The following OXR1 variants were observed in gnomAD, a reference collection of about 807,000 sequenced individuals.
The protein encoded by OXR1 is oxidation resistance 1, also known as oxidation resistance protein 1.
OXR1 carries 41 observed loss-of-function variants against 104.6 expected under a neutral mutation model. The ratio of observed to expected loss-of-function variants is 0.39; its 90% CI spans 0.31 to 0.51. The LOEUF (loss-of-function observed/expected upper bound fraction) is 0.51. Ranked by LOEUF, OXR1 falls within the 20% of genes least tolerant of loss-of-function variation. The probability of loss-of-function intolerance (pLI) is 0.77; values close to 1 mark genes in which losing one functional copy is unlikely to be tolerated. For missense variants in OXR1, 955 were observed against 1,031.9 expected, an observed-to-expected ratio of 0.93 and a Z score of 1.02; for synonymous variants, 348 against 348.4, an observed-to-expected ratio of 1.00 and a Z score of 0.01.
chr8:106,614,514 C>G (rs921046611), intron 3 of OXR1, among the ~76,000 whole-genome samples: 2 of 152,082 alleles, frequency 1.3e-5, no homozygotes, highest in African/African-American at 4.8e-5. Context: ...TCTTAGCAGC[C>G]CACATCCCAA....
chr8:106,384,344 T>C (rs1375438775), intron 2 of OXR1, among the ~76,000 whole-genome samples: 1 of 152,186 alleles, frequency 6.6e-6, no homozygotes, highest in African/African-American at 2.4e-5. Flanking sequence ...AAGAAGTCAC[T>C]GCACTTCCTG....
chr8:106,325,397 A>G (rs957346657), intron 1 of OXR1, among the ~76,000 whole-genome samples: 2 of 152,202 alleles, frequency 1.3e-5, no homozygotes, highest in Non-Finnish European at 2.9e-5. Context: ...AATATGGTGT[A>G]ATGGTTAAGG....
At chr8:106,450,868 A>C (rs1820276173) in intron 2 of OXR1, among the ~76,000 whole-genome samples, 1 of 152,144 alleles carries the variant, frequency 6.6e-6, no homozygotes, top group African/African-American at 2.4e-5. Context: ...TTAAGAACAA[A>C]CAGCTTATCT....
chr8:106,279,084 A>G (rs1039765727), intron 1 of OXR1, among the ~76,000 whole-genome samples: 1 of 152,192 alleles, frequency 6.6e-6, no homozygotes, highest in East Asian at 1.9e-4. Context: ...AGACTAAAGA[A>G]GTTGAAAGGT....
At chr8:106,607,199 C>T (rs1820468244) in intron 3 of OXR1, among the ~76,000 whole-genome samples, 1 of 152,158 alleles carries the variant, frequency 6.6e-6, no homozygotes, top group Non-Finnish European at 1.5e-5. Context: ...TAGCTGACTC[C>T]TCAGAAGCGG....
At chr8:106,612,823 A>G (rs866919852) in intron 3 of OXR1, among the ~76,000 whole-genome samples, 3 of 152,238 alleles carry the variant, frequency 2.0e-5, no homozygotes, top group Middle Eastern at 3.4e-3. Flanking sequence ...ACACAGCCCT[A>G]CGAATACTAA....
At chr8:106,429,080 T>G (rs1302258263) in intron 2 of OXR1, among the ~76,000 whole-genome samples, 1 of 152,158 alleles carries the variant, frequency 6.6e-6, no homozygotes, top group Non-Finnish European at 1.5e-5. Context: ...AGATCCGAAG[T>G]TGGCGGAGGC....
At chr8:106,339,540 ATATATATAT>A (rs1267844985) in intron 1 of OXR1, among the ~76,000 whole-genome samples, 2 of 126,722 alleles carry the variant, frequency 1.6e-5, no homozygotes, top group African/African-American at 6.1e-5. Context: ...ATATATATAT[ATATATATAT>A]ATATATAAAA....
chr8:106,540,116 T>G (rs1268412017), intron 3 of OXR1, among the ~76,000 whole-genome samples: 1 of 152,122 alleles, frequency 6.6e-6, no homozygotes, highest in East Asian at 1.9e-4. Context: ...GTAAAAAAGA[T>G]CCAGTGAGTT....
intron 15 of OXR1, among the ~76,000 whole-genome samples, chr8:106,744,584 A>T (rs1193640312): frequency 6.6e-6 from 1 of 152,230 alleles, no homozygotes; most frequent in Non-Finnish European, 1.5e-5. Context: ...TTGGATTTAA[A>T]TAACAAGTTA....
chr8:106,281,269 A>G (rs1473817805), intron 1 of OXR1, among the ~76,000 whole-genome samples: 1 of 152,210 alleles, frequency 6.6e-6, no homozygotes. Context: ...AAAAGTTTAC[A>G]GCAGCTGCGT....
At chr8:106,358,508 C>A (rs1816083108) in intron 1 of OXR1, among the ~76,000 whole-genome samples, 1 of 152,128 alleles carries the variant, frequency 6.6e-6, no homozygotes, top group Admixed American at 6.6e-5. Context: ...TTACATAAAA[C>A]ATTATTTGAG....
intron 2 of OXR1, among the ~76,000 whole-genome samples, chr8:106,448,586 T>C (rs1198478587): frequency 6.6e-6 from 1 of 152,174 alleles, no homozygotes; most frequent in African/African-American, 2.4e-5. Context: ...TATATTATTC[T>C]GTGAATAATA....
At chr8:106,562,238 C>T (rs1441891065) in intron 3 of OXR1, among the ~76,000 whole-genome samples, 1 of 151,876 alleles carries the variant, frequency 6.6e-6, no homozygotes, top group Non-Finnish European at 1.5e-5. Context: ...AAAAGGTGAG[C>T]GGAATGGCTA....
At chr8:106,414,936 C>T (rs1475341177) in intron 2 of OXR1, among the ~76,000 whole-genome samples, 4 of 152,108 alleles carry the variant, frequency 2.6e-5, no homozygotes, top group African/African-American at 9.7e-5. Flanking sequence ...ATAAATAGTA[C>T]AGTCTATAAC....
At chr8:106,692,359 G>A (rs2131292739) in intron 6 of OXR1, among the ~76,000 whole-genome samples, 1 of 152,172 alleles carries the variant, frequency 6.6e-6, no homozygotes, top group Admixed American at 6.5e-5. Flanking sequence ...ATCAGAGTCA[G>A]TGGTTTAATT....
At chr8:106,548,340 C>T (rs75287756) in intron 3 of OXR1, among the ~76,000 whole-genome samples, 7,462 of 152,236 alleles carry the variant, frequency 0.049, 203 homozygotes, top group Middle Eastern at 0.068. Context: ...GTCCAGTGCT[C>T]CTCCCAACAA....
intron 3 of OXR1, chr8:106,657,973 A>T (rs2131063583): frequency 8.0e-7 from 1 of 1,248,382 alleles, no homozygotes; most frequent in Middle Eastern, 2.1e-4. Flanking sequence ...TTCCGCGTCC[A>T]GCCCCGCGGC....
chr8:106,478,378 T>G (rs1390415666), intron 2 of OXR1, among the ~76,000 whole-genome samples: 1 of 151,908 alleles, frequency 6.6e-6, no homozygotes, highest in Non-Finnish European at 1.5e-5. Context: ...TACTTTTTAT[T>G]GTATTATATA....
Sources: gnomAD v4.1 joint callset for allele counts (sites outside exome capture counted in the v4.1 genomes callset) on GRCh38, gnomAD v4.1.1 for gene constraint, MANE v1.5 for transcripts, NCBI Gene and HGNC (gene_info 2026-07-23, HGNC 2026-07-21) for gene names.